RASGEF1A: variants seen among roughly 807,000 people sequenced by gnomAD.
The protein encoded by RASGEF1A is ras-GEF domain-containing family member 1A.
A neutral mutation model predicts 56.4 loss-of-function variants in RASGEF1A; 18 were observed. The observed-to-expected ratio is 0.32, with a 90% CI of 0.22 to 0.47. The LOEUF is 0.47. Ranked by LOEUF, RASGEF1A falls within the 20% of genes least tolerant of loss-of-function variation. The pLI is 1.00. For synonymous variants in RASGEF1A, 245 were observed against 242.6 expected, an observed-to-expected ratio of 1.01 and a Z score of -0.09; for missense variants, 422 against 627.1, an observed-to-expected ratio of 0.67 and a Z score of 3.49.
At position 43,196,949 on chromosome 10, in the gene RASGEF1A, C is replaced by T. The variant is rs746523132; in HGVS notation, c.1348+27G>A. Reference sequence around the variant, plus strand: ...ACAAGGAGTCAGGTGGGGTGGGAGGCATGCTGCGTTGGGAGGCAGCCCTCA... The same window carrying T: ...ACAAGGAGTCAGGTGGGGTGGGAGGTATGCTGCGTTGGGAGGCAGCCCTCA... On this transcript the variant is annotated intron_variant, in intron 11 of 12. Coordinates refer to ENST00000395810, the MANE Select transcript of RASGEF1A (RefSeq NM_145313.4). The surrounding 1 kb of genome is among the most constrained non-coding windows in gnomAD (Gnocchi z 4.6). The T allele has an allele frequency of 6.2e-7, 1 of 1,610,104 alleles. No individual in the cohort carries two copies. The highest frequency in any genetic ancestry group is 1.7e-5 in the Admixed American group (1 of 59,928).
intron 1 of RASGEF1A, among the ~76,000 whole-genome samples, chr10:43,225,411 A>C (rs1238655754): frequency 1.6e-5 from 2 of 126,828 alleles, no homozygotes; most frequent in South Asian, 5.0e-4. Context: ...GTGTGCCTGC[A>C]TGTGTCTCTG....
At chr10:43,246,089 A>G (rs1840564676) in intron 1 of RASGEF1A, among the ~76,000 whole-genome samples, 1 of 152,328 alleles carries the variant, frequency 6.6e-6, no homozygotes, top group Non-Finnish European at 1.5e-5. Context: ...TACAAGATCA[A>G]TATATGAAAA....
chr10:43,226,920 C>A (rs1191261759), intron 1 of RASGEF1A, among the ~76,000 whole-genome samples: 1 of 152,202 alleles, frequency 6.6e-6, no homozygotes, highest in African/African-American at 2.4e-5. Context: ...TGTGGGAAGA[C>A]AGACACAACT....
At position 43,253,689 on chromosome 10, in the gene RASGEF1A, A is replaced by T. The variant is rs368402802; in HGVS notation, c.-7+13156T>A. Among the ~76,000 whole-genome samples the T allele has an allele frequency of 2.2e-4, 34 of 152,224 alleles. No homozygotes were observed. In the East Asian group the frequency reaches 2.3e-3, roughly 10 times the overall value. ...GGCCAACATCCCACAGGGGACGGGG[A>T]CCTCAAGGAATGAGATTCTACCAAC... On this transcript the variant is annotated intron_variant, in intron 1 of 12. Transcript: ENST00000395810.
chr10:43,198,838 G>A, intron 9 of RASGEF1A, 95 bp downstream of exon 9: 2 of 1,154,752 alleles, frequency 1.7e-6, no homozygotes, highest in Non-Finnish European at 1.3e-6. Flanking sequence ...AGGGAGAGGA[G>A]GGCAGCCCCC....
Position 43,196,429 on chromosome 10 carries a change from G to A in RASGEF1A, c.1421+47C>T. 6.3e-7 allele frequency: 1 copy of A among 1,592,644 alleles called. No individual in the cohort carries two copies. Among genetic ancestry groups the A allele is most frequent in the Non-Finnish European group, 8.6e-7 (1 of 1,160,578 alleles). On this transcript the variant is annotated intron_variant, in intron 12 of 12. Transcript: ENST00000395810. The surrounding 1 kb of genome is among the most constrained non-coding windows in gnomAD (Gnocchi z 4.6). ...AGGGTAACCCTCGTGCCCACCCTGAGTCCTCCCTCTTCCTTACAGACTCCC... is the reference window on the plus strand; with the variant it reads ...AGGGTAACCCTCGTGCCCACCCTGAATCCTCCCTCTTCCTTACAGACTCCC...
chr10:43,250,860 G>A (rs766027594), intron 1 of RASGEF1A, among the ~76,000 whole-genome samples: 6 of 152,202 alleles, frequency 3.9e-5, no homozygotes, highest in Admixed American at 6.5e-5. Context: ...TGGTGGTCCT[G>A]GGGAACAAGG....
Position 43,205,987 on chromosome 10 carries a change from G to T in RASGEF1A, c.130C>A (p.His44Asn), listed in dbSNP as rs1304815523. The change falls in exon 2 of 13, where the codon CAC becomes AAC. Residue 44 changes from histidine to asparagine, a missense_variant. By Grantham distance (68) the His-to-Asn change is moderately conservative (BLOSUM62 1). Around this residue, in one of 2 missense-constraint regions of RASGEF1A, gnomAD observed 273 missense variants for 339.9 expected, o/e 0.80. Coordinates refer to ENST00000395810, the MANE Select transcript of RASGEF1A (RefSeq NM_145313.4). ...GSGDLIFQDG[H>N]LISGSLEALM... ...GCCTCCAGGGACCCAGAGATGAGGT[G>T]TCCATCTTGGAAGATGAGGTCCCCG... 6.2e-7 allele frequency: 1 copy of T among 1,613,112 alleles called. No homozygotes were observed. Among genetic ancestry groups the T allele is most frequent in the South Asian group, 1.1e-5 (1 of 91,062 alleles).
chr10:43,262,115 G>A (rs1836539387), intron 1 of RASGEF1A, among the ~76,000 whole-genome samples: 1 of 152,166 alleles, frequency 6.6e-6, no homozygotes, highest in Admixed American at 6.5e-5. Context: ...GACCTGGAGA[G>A]CCCCATGGGC....
intron 1 of RASGEF1A, among the ~76,000 whole-genome samples, chr10:43,227,229 C>T (rs925899913): frequency 6.6e-6 from 1 of 152,188 alleles, no homozygotes; most frequent in Non-Finnish European, 1.5e-5. Flanking sequence ...TAAGTCAATC[C>T]TCATGCATCC....
chr10:43,226,305 G>A (rs1221471408), intron 1 of RASGEF1A, among the ~76,000 whole-genome samples: 1 of 152,162 alleles, frequency 6.6e-6, no homozygotes, highest in African/African-American at 2.4e-5. Context: ...GCCAGGCATG[G>A]TGGCACATGC....
chr10:43,197,908 A>G (rs1292250071), intron 10 of RASGEF1A, 96 bp downstream of exon 10: 1 of 1,099,782 alleles, frequency 9.1e-7, no homozygotes, highest in Non-Finnish European at 1.3e-6. Context: ...GGCAGGGCTC[A>G]GGAAACCCAC....
chr10:43,205,908 C>T lies in RASGEF1A; in HGVS notation c.198+11G>A, dbSNP rs765447154. 1 of 1,608,326 alleles carries T rather than the reference C, an allele frequency of 6.2e-7. No individual in the cohort carries two copies. The highest frequency in any genetic ancestry group is 8.5e-7 in the Non-Finnish European group (1 of 1,175,722). On this transcript the variant is annotated intron_variant, in intron 2 of 12. Transcript: ENST00000395810. ...CCATTAGTCTCACTCCACAAGGCCC[C>T]ACGTACTCACATCGGGGTAATAGTC...
intron 1 of RASGEF1A, among the ~76,000 whole-genome samples, chr10:43,231,364 G>A (rs547580513): frequency 4.6e-5 from 7 of 152,318 alleles, no homozygotes; most frequent in African/African-American, 9.6e-5. Context: ...GCCCTGTACC[G>A]TAGCCCTGCA....
chr10:43,230,547 C>T (rs578148037), intron 1 of RASGEF1A, among the ~76,000 whole-genome samples: 1 of 152,124 alleles, frequency 6.6e-6, no homozygotes, highest in South Asian at 2.1e-4. Flanking sequence ...AGCACCTGAG[C>T]TGGGTGAGAG....
chr10:43,242,228 A>G (rs1370582309), intron 1 of RASGEF1A, among the ~76,000 whole-genome samples: 2 of 152,218 alleles, frequency 1.3e-5, no homozygotes, highest in Non-Finnish European at 2.9e-5. Flanking sequence ...CTATATTAAT[A>G]TTAGAGAAAA....
At chr10:43,234,106 G>A (rs1360654193) in intron 1 of RASGEF1A, among the ~76,000 whole-genome samples, 2 of 152,196 alleles carry the variant, frequency 1.3e-5, no homozygotes, top group East Asian at 1.9e-4. Flanking sequence ...GGATCTGGGT[G>A]TCCCTGCGGA....
At chr10:43,243,019 G>A (rs1032284340) in intron 1 of RASGEF1A, among the ~76,000 whole-genome samples, 1 of 147,404 alleles carries the variant, frequency 6.8e-6, no homozygotes, top group Non-Finnish European at 1.5e-5. Context: ...GAGCCCCTCT[G>A]CCCGCCCGAC....
At chr10:43,217,397 G>A (rs1840151325) in intron 1 of RASGEF1A, among the ~76,000 whole-genome samples, 1 of 152,194 alleles carries the variant, frequency 6.6e-6, no homozygotes, top group Non-Finnish European at 1.5e-5. Flanking sequence ...CTCCAAGCTG[G>A]TGCTGCAGTC....
Sources: allele counts gnomAD v4.1 joint callset (sites outside exome capture counted in the v4.1 genomes callset), GRCh38; gene constraint gnomAD v4.1.1; regional missense constraint gnomAD v4.1.1; non-coding constraint Gnocchi (gnomAD v3.1); transcripts MANE v1.5; gene names NCBI Gene and HGNC (gene_info 2026-07-23, HGNC 2026-07-21).